Variants in CA10 observed in about 807,000 individuals in gnomAD.
The protein encoded by CA10 is carbonic anhydrase-related protein 10.
In CA10, 14 loss-of-function variants were observed where a neutral mutation model predicts 44.2. The ratio of observed to expected loss-of-function variants is 0.32; its 90% CI spans 0.21 to 0.50. The LOEUF is 0.50. Ranked by LOEUF, CA10 falls within the 20% of genes least tolerant of loss-of-function variation. The probability of loss-of-function intolerance (pLI) is 0.99; values close to 1 mark genes in which losing one functional copy is unlikely to be tolerated. For missense variants in CA10, 350 were observed against 409.7 expected (o/e 0.85, Z 1.26); for synonymous variants, 159 against 141.6 (o/e 1.12, Z -0.87).
intron 2 of CA10, among the ~76,000 whole-genome samples, chr17:51,957,932 C>T (rs1002214791): frequency 2.0e-5 from 3 of 150,498 alleles, no homozygotes; most frequent in African/African-American, 7.3e-5. Context: ...ATCATCCCTC[C>T]CTTGTGTATA....
intron 3 of CA10, among the ~76,000 whole-genome samples, chr17:51,867,749 A>C (rs749154295): frequency 6.6e-6 from 1 of 152,218 alleles, no homozygotes; most frequent in Non-Finnish European, 1.5e-5. Flanking sequence ...GTAATTGATC[A>C]GATTCAGACC....
chr17:52,048,672 T>G (rs903429782), intron 2 of CA10, among the ~76,000 whole-genome samples: 1 of 151,876 alleles, frequency 6.6e-6, no homozygotes, highest in Non-Finnish European at 1.5e-5. Flanking sequence ...GAAAATAATC[T>G]GAATATGCTG....
intron 3 of CA10, among the ~76,000 whole-genome samples, chr17:51,809,682 G>A (rs1446060410): frequency 2.0e-5 from 3 of 152,164 alleles, no homozygotes; most frequent in Non-Finnish European, 2.9e-5. Flanking sequence ...GGACCTCACT[G>A]GGCTTTATAG....
At chr17:51,704,085 C>T (rs571148005) in intron 4 of CA10, among the ~76,000 whole-genome samples, 89 of 152,284 alleles carry the variant, frequency 5.8e-4, no homozygotes, top group African/African-American at 2.1e-3. Flanking sequence ...GATTATAAAA[C>T]AGTATCCTTT....
intron 2 of CA10, among the ~76,000 whole-genome samples, chr17:52,039,159 C>A (rs1452259617): frequency 6.6e-6 from 1 of 152,016 alleles, no homozygotes; most frequent in African/African-American, 2.4e-5. Context: ...TCTTTATTTT[C>A]TTGTTCTTGA....
At chr17:52,103,863 T>A (rs1364710646) in intron 1 of CA10, among the ~76,000 whole-genome samples, 1 of 152,204 alleles carries the variant, frequency 6.6e-6, no homozygotes, top group African/African-American at 2.4e-5. Context: ...CACACTGGCA[T>A]GGGCGCTGCC....
chr17:51,744,613 T>A (rs1045921993), intron 4 of CA10, among the ~76,000 whole-genome samples: 3 of 151,300 alleles, frequency 2.0e-5, no homozygotes, highest in African/African-American at 2.5e-5. Context: ...ACCCTTTCTC[T>A]CTAAATAAAT....
At chr17:51,717,868 T>TATATATATAC (rs1555589918) in intron 4 of CA10, among the ~76,000 whole-genome samples, 1 of 105,924 alleles carries the variant, frequency 9.4e-6, no homozygotes, top group African/African-American at 4.0e-5. Context: ...TATATATATA[T>TATATATATAC]ACAGGATAGA....
At chr17:51,663,918 T>G (rs1004722210) in intron 4 of CA10, among the ~76,000 whole-genome samples, 2 of 152,232 alleles carry the variant, frequency 1.3e-5, no homozygotes, top group Non-Finnish European at 2.9e-5. Context: ...ATTTTGCCAG[T>G]CTTTTCTTTC....
chr17:52,097,943 C>T (rs563467508), intron 1 of CA10, among the ~76,000 whole-genome samples: 1 of 152,274 alleles, frequency 6.6e-6, no homozygotes, highest in East Asian at 1.9e-4. Flanking sequence ...TCATAGTCCT[C>T]TTGTGTATCT....
intron 4 of CA10, among the ~76,000 whole-genome samples, chr17:51,678,152 T>C (rs1021514304): frequency 1.2e-4 from 18 of 152,120 alleles, no homozygotes; most frequent in Middle Eastern, 3.2e-3. Flanking sequence ...ACATATTGTA[T>C]AATAATATGT....
chr17:51,879,102 C>G (rs980032143), intron 3 of CA10, among the ~76,000 whole-genome samples: 2 of 150,656 alleles, frequency 1.3e-5, no homozygotes, highest in Non-Finnish European at 3.0e-5. Flanking sequence ...TGAGAATTTC[C>G]CCATGATTCA....
intron 3 of CA10, among the ~76,000 whole-genome samples, chr17:51,874,401 A>AC (rs1555607957): frequency 1.9e-3 from 284 of 151,266 alleles, no homozygotes; most frequent in African/African-American, 6.3e-3. Flanking sequence ...AAAAAAAAAA[A>AC]AAAAACAAAA....
intron 4 of CA10, among the ~76,000 whole-genome samples, chr17:51,692,359 T>G (rs1465824609): frequency 6.8e-6 from 1 of 146,914 alleles, no homozygotes; most frequent in African/African-American, 2.5e-5. Flanking sequence ...CCTATCTACC[T>G]ATCCATCCTA....
chr17:52,006,226 T>C (rs971993827), intron 2 of CA10, among the ~76,000 whole-genome samples: 3 of 151,844 alleles, frequency 2.0e-5, no homozygotes, highest in Non-Finnish European at 4.4e-5. Flanking sequence ...TATGAACTCA[T>C]GATGGGCAGA....
At chr17:52,090,085 T>C (rs1381277628) in intron 1 of CA10, among the ~76,000 whole-genome samples, 1 of 152,178 alleles carries the variant, frequency 6.6e-6, no homozygotes, top group Non-Finnish European at 1.5e-5. Context: ...AAACAAGTTA[T>C]TAAGTAACTG....
intron 3 of CA10, among the ~76,000 whole-genome samples, chr17:51,842,449 AAAC>A (rs1978331562): frequency 6.6e-6 from 1 of 152,190 alleles, no homozygotes; most frequent in South Asian, 2.1e-4. Flanking sequence ...TTTATCCATT[AAAC>A]ACTACCGAGA....
intron 3 of CA10, among the ~76,000 whole-genome samples, chr17:51,777,017 A>T (rs1905846746): frequency 6.6e-6 from 1 of 152,184 alleles, no homozygotes; most frequent in Non-Finnish European, 1.5e-5. Context: ...TAAAACCCAA[A>T]GGGAATAGGG....
At chr17:51,649,836 G>T (rs1913486841) in intron 5 of CA10, among the ~76,000 whole-genome samples, 1 of 149,434 alleles carries the variant, frequency 6.7e-6, no homozygotes, top group Admixed American at 6.7e-5. Context: ...TACGTAGAGG[G>T]TGAGACATAA....
Sources: gnomAD v4.1 joint callset for allele counts (sites outside exome capture counted in the v4.1 genomes callset) on GRCh38, gnomAD v4.1.1 for gene constraint, MANE v1.5 for transcripts, NCBI Gene and HGNC (gene_info 2026-07-23, HGNC 2026-07-21) for gene names.